ATAD3B: variants seen among roughly 807,000 people sequenced by gnomAD.
The protein encoded by ATAD3B is ATPase family AAA domain containing 3B, also known as ATPase family AAA domain-containing protein 3B.
In ATAD3B, 59 loss-of-function variants were observed where a neutral mutation model predicts 70.2. The observed-to-expected ratio is 0.84, with a 90% CI of 0.68 to 1.04. ATAD3B has a LOEUF of 1.04. ATAD3B is among the 50% of genes least tolerant of loss of function. The probability of loss-of-function intolerance (pLI) is 0.00; values close to 1 mark genes in which losing one functional copy is unlikely to be tolerated. For missense variants in ATAD3B, 961 were observed against 913.4 expected (o/e 1.05, Z -0.67); for synonymous variants, 423 against 388.6 (o/e 1.09, Z -1.04).
rs1414258137 is a variant in ATAD3B, at chr1:1,497,158, A to G, written c.*1341A>G. On this transcript the variant is annotated 3_prime_UTR_variant, in exon 16 of 16. Transcript: ENST00000673477. The stretch of plus-strand genomic sequence containing the variant: ...TGCAGTGCTTGGAGGGGGGCGGTCT[A>G]CCTCTGCTCGCTCTCTCCATTTCTC... 6.6e-6 allele frequency: 1 copy of G among 151,326 alleles called. No homozygotes were observed. Among genetic ancestry groups the G allele is most frequent in the Non-Finnish European group, 1.5e-5 (1 of 68,106 alleles). The allele number at this position is 151,326 out of a possible 1,614,324, so 9.4% of individuals were successfully genotyped here.
chr1:1,472,683 C>T (rs575092885), intron 1 of ATAD3B, among the ~76,000 whole-genome samples: 3 of 152,044 alleles, frequency 2.0e-5, no homozygotes, highest in Non-Finnish European at 4.4e-5. Flanking sequence ...TCCCTAAGCT[C>T]GGGTCTCTTC....
chr1:1,486,408 G>C, intron 10 of ATAD3B, 136 bp from the exon 11 acceptor site: 1 of 1,591,420 alleles, frequency 6.3e-7, no homozygotes, highest in Non-Finnish European at 8.5e-7. Context: ...TCCAGGCGGG[G>C]GACGTCTCCT....
intron 9 of ATAD3B, 127 bp downstream of exon 9, chr1:1,485,965 G>T: frequency 1.9e-6 from 3 of 1,593,958 alleles, no homozygotes; most frequent in South Asian, 1.1e-5. Context: ...CAACTGCTTG[G>T]ACTGTGCCGG....
chr1:1,482,923 C>T (rs1306790564), intron 7 of ATAD3B: 6 of 513,228 alleles, frequency 1.2e-5, no homozygotes, highest in Admixed American at 9.5e-5. Context: ...ATCACTTAAG[C>T]CCAGGAGGTT....
At position 1,477,381 on chromosome 1, in the gene ATAD3B, G is replaced by A. The variant is rs112572711; in HGVS notation, c.282+31G>A. On this transcript the variant is annotated intron_variant, in intron 2 of 15. Transcript: ENST00000673477. Reference sequence around the variant, plus strand: ...TGGGGCCGGTGTGGGCGAGGAGGCCGGGGCGCACATGGGGTTCAGGCGTGG... The same window carrying A: ...TGGGGCCGGTGTGGGCGAGGAGGCCAGGGCGCACATGGGGTTCAGGCGTGG... The A allele has an allele frequency of 2.0e-3, 3,294 of 1,611,440 alleles. 91 individuals carry two copies. The African/African-American group carries it at 0.039, about 19-fold the overall frequency.
Position 1,480,882 on chromosome 1 carries a change from G to A in ATAD3B, c.460G>A (p.Glu154Lys), listed in dbSNP as rs778784199. Reference protein sequence around the residue: ...QLKQQQLLNEENLRKQEESVQ... With the variant: ...QLKQQQLLNEKNLRKQEESVQ... ...TTCTTCTCAGCAACTTCTCAATGAG[G>A]AGAATTTACGGAAGCAGGAGGAGTC... The change falls in exon 5 of 16, where the codon GAG becomes AAG. Residue 154 changes from glutamate (E) to lysine (K), a missense_variant. By Grantham distance (56) the Glu-to-Lys change is moderately conservative. Around this residue, in one of 4 missense-constraint regions of ATAD3B, gnomAD observed 187 missense variants for 244.3 expected, o/e 0.77. Transcript: ENST00000673477. The A allele has an allele frequency of 2.5e-6, 4 of 1,593,630 alleles. No homozygotes were observed. The highest frequency in any genetic ancestry group is 2.8e-5 in the African/African-American group (2 of 71,178).
At chr1:1,505,115 G>A in the ATAD3B span, among the ~76,000 whole-genome samples, 31 of 152,132 alleles carry the variant, frequency 2.0e-4, no homozygotes, top group Admixed American at 4.6e-4. Flanking sequence ...GTGGCCCCGA[G>A]TGCCAGGCTG....
chr1:1,495,288 G>A (rs1253408024), intron 15 of ATAD3B, among the ~76,000 whole-genome samples, 197 bp from the exon 16 acceptor site: 1 of 151,994 alleles, frequency 6.6e-6, no homozygotes, highest in Non-Finnish European at 1.5e-5. Flanking sequence ...GACGCAGGCA[G>A]GGCTGTGGGC....
downstream of ATAD3B, among the ~76,000 whole-genome samples, chr1:1,500,761 G>A (rs1640927381): frequency 6.6e-6 from 1 of 151,132 alleles, no homozygotes; most frequent in Admixed American, 6.6e-5. Flanking sequence ...AGACCATCCT[G>A]GCTAACAGGG....
chr1:1,483,430 G>A (rs1640029864), intron 7 of ATAD3B: 3 of 233,702 alleles, frequency 1.3e-5, no homozygotes, highest in Admixed American at 5.4e-5. Flanking sequence ...CCGCACAATT[G>A]CACTCCAACC....
chr1:1,500,315 G>A (rs1278745990), downstream of ATAD3B, among the ~76,000 whole-genome samples: 3 of 150,846 alleles, frequency 2.0e-5, no homozygotes, highest in Non-Finnish European at 4.4e-5. Flanking sequence ...CACTTTGGGA[G>A]GCCGAGGCGG....
chr1:1,495,864 T>C lies in ATAD3B; in HGVS notation c.*47T>C, dbSNP rs1384663216. 1 of 1,498,846 alleles carries C rather than the reference T, an allele frequency of 6.7e-7. No individual in the cohort carries two copies. Among genetic ancestry groups the C allele is most frequent in the Non-Finnish European group, 8.9e-7 (1 of 1,129,142 alleles). The allele number at this position is 1,498,846 out of a possible 1,614,324, so 92.8% of individuals were successfully genotyped here. On this transcript the variant is annotated 3_prime_UTR_variant, in exon 16 of 16. Coordinates refer to ENST00000673477, the MANE Select transcript of ATAD3B (RefSeq NM_031921.6). ...GCCTCCTTCCTGCCCCTCGAGACACTCTTGGGAGATGCATTTTCCGTCTGG... is the reference window on the plus strand; with the variant it reads ...GCCTCCTTCCTGCCCCTCGAGACACCCTTGGGAGATGCATTTTCCGTCTGG...
At chr1:1,494,179 TG>T (rs1640666491) in intron 15 of ATAD3B, among the ~76,000 whole-genome samples, 1 of 149,698 alleles carries the variant, frequency 6.7e-6, no homozygotes, top group Non-Finnish European at 1.5e-5. Flanking sequence ...GACCAGGTTT[TG>T]CCCCAGAATC....
At chr1:1,501,288 T>A (rs1165041703), downstream of ATAD3B, among the ~76,000 whole-genome samples, 1 of 150,506 alleles carries the variant, frequency 6.6e-6, no homozygotes, top group Non-Finnish European at 1.5e-5. Flanking sequence ...GGAGTCTCGC[T>A]CTGTCACCGA....
chr1:1,490,019 T>C, intron 13 of ATAD3B: 4 of 1,372,726 alleles, frequency 2.9e-6, no homozygotes, highest in Non-Finnish European at 3.8e-6. Flanking sequence ...AGCGGGGAAG[T>C]ACCACACAGG....
chr1:1,485,341 C>G (rs1640148051), intron 8 of ATAD3B, among the ~76,000 whole-genome samples, 170 bp downstream of exon 8: 1 of 152,136 alleles, frequency 6.6e-6, no homozygotes, highest in Admixed American at 6.5e-5. Flanking sequence ...CCTTAGGGGT[C>G]TGCATCAGTG....
chr1:1,501,391 A>T (rs1297148658), downstream of ATAD3B, among the ~76,000 whole-genome samples: 1 of 152,050 alleles, frequency 6.6e-6, no homozygotes, highest in Non-Finnish European at 1.5e-5. Flanking sequence ...AGTAGCTGGG[A>T]CTACAGGCGC....
At chr1:1,490,845 G>T (rs1570270358) in intron 15 of ATAD3B, among the ~76,000 whole-genome samples, 174 bp downstream of exon 15, 4 of 152,072 alleles carry the variant, frequency 2.6e-5, no homozygotes, top group Non-Finnish European at 5.9e-5. Context: ...CCACGCAGCA[G>T]CGTGCACCTG....
At chr1:1,472,930 C>G (rs914202911) in intron 1 of ATAD3B, among the ~76,000 whole-genome samples, 2 of 150,546 alleles carry the variant, frequency 1.3e-5, no homozygotes, top group East Asian at 3.9e-4. Context: ...GCCTCCGATT[C>G]TCCTGCCGCA....
Sources: allele counts gnomAD v4.1 joint callset (sites outside exome capture counted in the v4.1 genomes callset), GRCh38; gene constraint gnomAD v4.1.1; regional missense constraint gnomAD v4.1.1; transcripts MANE v1.5; gene names NCBI Gene and HGNC (gene_info 2026-07-23, HGNC 2026-07-21).